TIMP2: variants seen among roughly 807,000 people sequenced by gnomAD.
TIMP2 encodes the protein TIMP metallopeptidase inhibitor 2.
Under a neutral mutation model 24.3 loss-of-function variants are expected in TIMP2, and 5 were observed. The ratio of observed to expected loss-of-function variants is 0.21; its 90% CI spans 0.11 to 0.43. The LOEUF (loss-of-function observed/expected upper bound fraction) is 0.43. Among genes scored for constraint, TIMP2 ranks in the 20% least tolerant of loss-of-function variants. TIMP2 has a pLI of 1.00. For synonymous variants in TIMP2, 130 were observed against 123.2 expected, an observed-to-expected ratio of 1.06 and a Z score of -0.37; for missense variants, 221 against 297.5, an observed-to-expected ratio of 0.74 and a Z score of 1.89.
chr17:78,915,757 C>A (rs114444543), intron 1 of TIMP2, among the ~76,000 whole-genome samples: 1 of 152,008 alleles, frequency 6.6e-6, no homozygotes, highest in African/African-American at 2.4e-5. Context: ...CGACCTCAGG[C>A]GATCCACATG....
rs1328753199 is a variant in TIMP2, at chr17:78,890,806, T to C, written c.131-16887A>G. The C allele has an allele frequency of 1.9e-6, 3 of 1,550,628 alleles. No homozygotes were observed. In the South Asian group the frequency reaches 3.6e-5, roughly 18 times the overall value. ...ATGGGGAAGTGGTGCTGAGCTCAGATCCTCTCTCCCTTTCCTGGGCTCTCG... is the reference window on the plus strand; with the variant it reads ...ATGGGGAAGTGGTGCTGAGCTCAGACCCTCTCTCCCTTTCCTGGGCTCTCG... On this transcript the variant is annotated intron_variant, in intron 1 of 4. Transcript: ENST00000262768.
At chr17:78,906,169 C>T (rs6501263) in intron 1 of TIMP2, among the ~76,000 whole-genome samples, 1 of 151,658 alleles carries the variant, frequency 6.6e-6, no homozygotes, top group African/African-American at 2.4e-5. Flanking sequence ...CCAGGAGTTT[C>T]AGACCAGCCA....
chr17:78,879,935 C>T lies in TIMP2; in HGVS notation c.131-6016G>A, dbSNP rs1208339209. Reference sequence around the variant, plus strand: ...TGGGGACGGAAAAGAACCGGGTGGGCGGAAAACCAAGGTCGCGGGAGACGA... The same window carrying T: ...TGGGGACGGAAAAGAACCGGGTGGGTGGAAAACCAAGGTCGCGGGAGACGA... On this transcript the variant is annotated intron_variant, in intron 1 of 4. Transcript: ENST00000262768. 4.6e-5 allele frequency among the ~76,000 whole-genome samples: 7 copies of T among 151,658 alleles called. No individual in the cohort carries two copies. The East Asian group carries it at 7.8e-4, about 17-fold the overall frequency.
At chr17:78,892,331 T>C in intron 1 of TIMP2, 1 of 1,550,694 alleles carries the variant, frequency 6.4e-7, no homozygotes, top group East Asian at 2.4e-5. Context: ...TCCATCCATG[T>C]TTCTGTTCCT....
chr17:78,876,147 C>T (rs1378013963), intron 1 of TIMP2, among the ~76,000 whole-genome samples: 4 of 152,062 alleles, frequency 2.6e-5, no homozygotes, highest in East Asian at 1.9e-4. Flanking sequence ...TTTTTATTCA[C>T]GTTCGTTTCT....
At chr17:78,857,764 A>C (rs1294985278) in intron 3 of TIMP2, 118 bp from the exon 4 acceptor site, 1 of 1,383,230 alleles carries the variant, frequency 7.2e-7, no homozygotes, top group Non-Finnish European at 9.8e-7. Flanking sequence ...TGCACTGTCT[A>C]TTCTGAGTTA....
At chr17:78,888,137 G>GTA (rs1441036077) in intron 1 of TIMP2, among the ~76,000 whole-genome samples, 17 of 151,568 alleles carry the variant, frequency 1.1e-4, no homozygotes, top group Admixed American at 6.6e-4. Context: ...AGTTCAGCAG[G>GTA]TATATATCTT....
At position 78,891,035 on chromosome 17, in the gene TIMP2, T is replaced by G; in HGVS notation, c.131-17116A>C. On this transcript the variant is annotated intron_variant, in intron 1 of 4. Transcript: ENST00000262768. This position sits in a 1 kb window ranked among gnomAD's most constrained non-coding sequence, Gnocchi z 4.5. Reference sequence around the variant, plus strand: ...CGAGCCCACTCTGTCTGCCTGGTCTTGAAGGTGGAGCTGAAGGGAGCCCTC... The same window carrying G: ...CGAGCCCACTCTGTCTGCCTGGTCTGGAAGGTGGAGCTGAAGGGAGCCCTC... 1.3e-6 allele frequency: 2 copies of G among 1,551,230 alleles called. No individual in the cohort carries two copies. The highest frequency in any genetic ancestry group is 1.7e-6 in the Non-Finnish European group (2 of 1,147,128).
intron 1 of TIMP2, among the ~76,000 whole-genome samples, chr17:78,909,722 G>T (rs1045185338): frequency 6.6e-6 from 1 of 152,106 alleles, no homozygotes; most frequent in Non-Finnish European, 1.5e-5. Context: ...TGCTCTAGAC[G>T]TGCAGCGTCA....
Position 78,866,939 on chromosome 17 carries a change from G to T in TIMP2, c.340+3959C>A, listed in dbSNP as rs184473776. Among the ~76,000 whole-genome samples, 3 of 152,216 alleles carry T rather than the reference G, an allele frequency of 2.0e-5. No homozygotes were observed. The East Asian group carries it at 5.8e-4, about 29-fold the overall frequency. ...GGATTTCTTTTTGACTGTAGTGATGGTTGCAGAACTCTGTGACATACTAAA... is the reference window on the plus strand; with the variant it reads ...GGATTTCTTTTTGACTGTAGTGATGTTTGCAGAACTCTGTGACATACTAAA... On this transcript the variant is annotated intron_variant, in intron 3 of 4. Coordinates refer to ENST00000262768, the MANE Select transcript of TIMP2 (RefSeq NM_003255.5).
At chr17:78,860,405 G>A (rs1957129028) in intron 3 of TIMP2, among the ~76,000 whole-genome samples, 1 of 152,170 alleles carries the variant, frequency 6.6e-6, no homozygotes, top group African/African-American at 2.4e-5. Context: ...AGCCTCAGAG[G>A]ATCCACTAAT....
chr17:78,922,511 T>C (rs1425042547), intron 1 of TIMP2: 1 of 152,264 alleles, frequency 6.6e-6, no homozygotes, highest in African/African-American at 2.4e-5. Flanking sequence ...CAATGGCTGC[T>C]GTCCTTAGAA....
At chr17:78,862,390 G>A (rs1263546147) in intron 3 of TIMP2, among the ~76,000 whole-genome samples, 1 of 152,224 alleles carries the variant, frequency 6.6e-6, no homozygotes, top group Non-Finnish European at 1.5e-5. Flanking sequence ...CCAAGGCTGG[G>A]AAAGAAGTCA....
intron 3 of TIMP2, among the ~76,000 whole-genome samples, chr17:78,866,023 A>G (rs9894295): frequency 0.19 from 28,618 of 152,144 alleles, 3,213 homozygotes; most frequent in African/African-American, 0.3. Context: ...AGGATGCAGA[A>G]AACTGGAAGT....
chr17:78,919,154 C>A (rs926955295), intron 1 of TIMP2, among the ~76,000 whole-genome samples: 1 of 152,268 alleles, frequency 6.6e-6, no homozygotes, highest in African/African-American at 2.4e-5. Flanking sequence ...GTGCCACCCC[C>A]AGGCCCGCTC....
At position 78,889,451 on chromosome 17, in the gene TIMP2, G is replaced by A. The variant is rs543882806; in HGVS notation, c.131-15532C>T. On this transcript the variant is annotated intron_variant, in intron 1 of 4. Coordinates refer to ENST00000262768, the MANE Select transcript of TIMP2 (RefSeq NM_003255.5). The stretch of plus-strand genomic sequence containing the variant: ...AAGTTATAAGAATGTATTAAGCGAC[G>A]TGCTATTTAAACAATGTTGGTTTTG... Among the ~76,000 whole-genome samples, 5 of 152,348 alleles carry A rather than the reference G, an allele frequency of 3.3e-5. No individual in the cohort carries two copies. The South Asian group carries it at 6.2e-4, about 19-fold the overall frequency.
intron 1 of TIMP2, among the ~76,000 whole-genome samples, chr17:78,903,801 C>G (rs1253560058): frequency 6.6e-6 from 1 of 151,722 alleles, no homozygotes; most frequent in East Asian, 1.9e-4. Flanking sequence ...CTGGGGGAGT[C>G]TGGCCGGTGC....
rs576162431 is a variant in TIMP2 at position 78,910,504 on chromosome 17, A to G, written c.130+14455T>C. Among the ~76,000 whole-genome samples the G allele has an allele frequency of 3.3e-5, 5 of 152,310 alleles. No individual in the cohort carries two copies. In the South Asian group the frequency reaches 1.0e-3, roughly 32 times the overall value. On this transcript the variant is annotated intron_variant, in intron 1 of 4. Coordinates refer to ENST00000262768, the MANE Select transcript of TIMP2 (RefSeq NM_003255.5). ...CACCGCCTGGCCTATTGTTAATTACATTAATCCAACAGTGACATGGAACAC... is the reference window on the plus strand; with the variant it reads ...CACCGCCTGGCCTATTGTTAATTACGTTAATCCAACAGTGACATGGAACAC...
chr17:78,918,068 A>ACACGCG (rs1555652958), intron 1 of TIMP2, among the ~76,000 whole-genome samples: 7 of 117,968 alleles, frequency 5.9e-5, no homozygotes, highest in African/African-American at 2.0e-4. Context: ...ACACACAAAC[A>ACACGCG]CACACACACA....
Sources: allele counts gnomAD v4.1 joint callset (sites outside exome capture counted in the v4.1 genomes callset), GRCh38; gene constraint gnomAD v4.1.1; non-coding constraint Gnocchi (gnomAD v3.1); transcripts MANE v1.5; gene names NCBI Gene and HGNC (gene_info 2026-07-23, HGNC 2026-07-21).